Variants in XNDC1N observed in about 807,000 individuals in gnomAD.
XNDC1N encodes the protein XRCC1 N-terminal domain containing 1, N-terminal like, also known as protein XNDC1N.
chr11:71,895,421 T>A, the XNDC1N span, among the ~76,000 whole-genome samples: 5 of 151,728 alleles, frequency 3.3e-5, no homozygotes, highest in Non-Finnish European at 7.4e-5. Context: ...GCAATTCTCC[T>A]GTCTCAGCCT....
chr11:71,917,001 ATATTATTGTTAT>A, the XNDC1N span: 21 of 175,986 alleles, frequency 1.2e-4, no homozygotes, highest in African/African-American at 4.8e-4. Flanking sequence ...CCACAAAAAC[ATATTATTGTTAT>A]TATTATTATT....
At chr11:71,889,067 A>T in the XNDC1N span, among the ~76,000 whole-genome samples, 1 of 152,180 alleles carries the variant, frequency 6.6e-6, no homozygotes. Context: ...ACTGTTGTTG[A>T]AGCCACATCA....
the XNDC1N span, among the ~76,000 whole-genome samples, chr11:71,913,502 T>C: frequency 6.6e-6 from 1 of 151,520 alleles, no homozygotes; most frequent in African/African-American, 2.4e-5. Flanking sequence ...CTACTACTAA[T>C]ACAAAAATTA....
the XNDC1N span, among the ~76,000 whole-genome samples, chr11:71,867,323 G>A: frequency 6.6e-6 from 1 of 152,168 alleles, no homozygotes; most frequent in Non-Finnish European, 1.5e-5. Flanking sequence ...ACCATCCATG[G>A]ATAAAATGTC....
At chr11:71,915,048 T>A in the XNDC1N span, among the ~76,000 whole-genome samples, 2 of 152,194 alleles carry the variant, frequency 1.3e-5, no homozygotes, top group African/African-American at 4.8e-5. Context: ...CAAATGTAAT[T>A]GTCTTATTTT....
chr11:71,870,154 T>A, the XNDC1N span, among the ~76,000 whole-genome samples: 30,886 of 152,068 alleles, frequency 0.2, 5,876 homozygotes, highest in African/African-American at 0.5. Flanking sequence ...AGTTATCTCC[T>A]TCTGGTCCTG....
At chr11:71,893,502 C>A in the XNDC1N span, 3 of 771,236 alleles carry the variant, frequency 3.9e-6, no homozygotes, top group South Asian at 4.2e-5. Context: ...GAGAATTCCT[C>A]CTCCTGGGAC....
chr11:71,885,091 G>A, the XNDC1N span, among the ~76,000 whole-genome samples: 1 of 152,088 alleles, frequency 6.6e-6, no homozygotes, highest in African/African-American at 2.4e-5. Flanking sequence ...TTCACAAACC[G>A]GTGTACACCC....
the XNDC1N span, among the ~76,000 whole-genome samples, chr11:71,873,895 T>C: frequency 6.6e-6 from 1 of 152,222 alleles, no homozygotes; most frequent in South Asian, 2.1e-4. Flanking sequence ...CTCTGGTGTC[T>C]GAACATAAAT....
At chr11:71,918,104 G>C in the XNDC1N span, among the ~76,000 whole-genome samples, 2 of 152,122 alleles carry the variant, frequency 1.3e-5, no homozygotes, top group African/African-American at 4.8e-5. Flanking sequence ...ACATCTCTCT[G>C]TCCCGACAAA....
chr11:71,894,662 C>T, the XNDC1N span, among the ~76,000 whole-genome samples: 2 of 152,142 alleles, frequency 1.3e-5, no homozygotes, highest in Non-Finnish European at 2.9e-5. Context: ...TGAGCAATAA[C>T]CCTGTCATCC....
the XNDC1N span, among the ~76,000 whole-genome samples, chr11:71,892,382 T>C: frequency 1.3e-5 from 2 of 152,144 alleles, no homozygotes; most frequent in Non-Finnish European, 2.9e-5. Flanking sequence ...ATCTCTGTAA[T>C]ACCTTATGAA....
At chr11:71,897,894 G>C in the XNDC1N span, among the ~76,000 whole-genome samples, 1 of 152,228 alleles carries the variant, frequency 6.6e-6, no homozygotes, top group African/African-American at 2.4e-5. Flanking sequence ...CAAAAGGCAG[G>C]CACTTCTGGC....
the XNDC1N span, among the ~76,000 whole-genome samples, chr11:71,901,673 A>T: frequency 2.0e-5 from 3 of 151,950 alleles, no homozygotes; most frequent in Non-Finnish European, 4.4e-5. Context: ...GAAGTATAGT[A>T]CCCGGGACTT....
the XNDC1N span, among the ~76,000 whole-genome samples, chr11:71,894,891 G>T: frequency 6.6e-6 from 1 of 152,206 alleles, no homozygotes; most frequent in Admixed American, 6.5e-5. Flanking sequence ...GATGTTAAGT[G>T]AGGACATACT....
At chr11:71,875,015 G>A in the XNDC1N span, among the ~76,000 whole-genome samples, 4 of 152,148 alleles carry the variant, frequency 2.6e-5, no homozygotes, top group Admixed American at 2.6e-4. Flanking sequence ...TGGGTCAGGA[G>A]ACCTAGCCAG....
chr11:71,907,770 A>C, the XNDC1N span, among the ~76,000 whole-genome samples: 1 of 148,864 alleles, frequency 6.7e-6, no homozygotes, highest in East Asian at 2.0e-4. Context: ...TCTTCCCTCC[A>C]GGATCATGGG....
At chr11:71,885,074 G>A in the XNDC1N span, among the ~76,000 whole-genome samples, 3 of 152,142 alleles carry the variant, frequency 2.0e-5, no homozygotes, top group African/African-American at 7.2e-5. Flanking sequence ...TGGAGATTAT[G>A]AACTGTTTCA....
chr11:71,902,585 C>T, the XNDC1N span, among the ~76,000 whole-genome samples: 142 of 152,354 alleles, frequency 9.3e-4, no homozygotes, highest in Non-Finnish European at 1.9e-3. Context: ...TTTGAGTAAG[C>T]AATTACTCTC....
Sources: allele counts gnomAD v4.1 joint callset (sites outside exome capture counted in the v4.1 genomes callset), GRCh38; gene constraint gnomAD v4.1.1; transcripts MANE v1.5; gene names NCBI Gene and HGNC (gene_info 2026-07-23, HGNC 2026-07-21).